LINGO2: variants seen among roughly 807,000 people sequenced by gnomAD.
LINGO2 encodes leucine rich repeat and Ig domain containing 2, also known as leucine-rich repeat and immunoglobulin-like domain-containing nogo receptor-interacting protein 2.
Under a neutral mutation model 30.6 loss-of-function variants are expected in LINGO2, and 14 were observed. The observed-to-expected ratio is 0.46, with a 90% CI of 0.30 to 0.72. LINGO2 has a LOEUF of 0.72. LINGO2 is among the 30% of genes least tolerant of loss of function. LINGO2 has a pLI of 0.07. For missense variants in LINGO2, 729 were observed against 751.7 expected (o/e 0.97, Z 0.35); for synonymous variants, 317 against 288.5 (o/e 1.10, Z -1.00).
chr9:28,350,819 C>G (rs2134442587), intron 3 of LINGO2, among the ~76,000 whole-genome samples: 1 of 151,484 alleles, frequency 6.6e-6, no homozygotes, highest in East Asian at 1.9e-4. Context: ...ACAGTGCAAT[C>G]AAACTAGAAC....
At chr9:28,561,136 C>A (rs1371601314) in intron 1 of LINGO2, among the ~76,000 whole-genome samples, 2 of 151,784 alleles carry the variant, frequency 1.3e-5, no homozygotes, top group African/African-American at 2.4e-5. Context: ...TTATCAGTAC[C>A]CTTATGTTTT....
intron 4 of LINGO2, among the ~76,000 whole-genome samples, chr9:28,033,027 C>G (rs12000378): frequency 6.6e-6 from 1 of 152,130 alleles, no homozygotes; most frequent in Non-Finnish European, 1.5e-5. Flanking sequence ...GAGAAATGTT[C>G]TAGAATACTA....
At chr9:28,021,363 C>T (rs1247649009) in intron 4 of LINGO2, among the ~76,000 whole-genome samples, 1 of 152,122 alleles carries the variant, frequency 6.6e-6, no homozygotes, top group African/African-American at 2.4e-5. Context: ...AGTCTAAGTA[C>T]ATTGTATAAT....
At chr9:28,155,656 ATAG>A (rs1828112843) in intron 4 of LINGO2, among the ~76,000 whole-genome samples, 1 of 152,218 alleles carries the variant, frequency 6.6e-6, no homozygotes, top group Non-Finnish European at 1.5e-5. Flanking sequence ...GATTTAGGAA[ATAG>A]TTGGTGTAAG....
At chr9:28,349,960 G>C (rs1470933709) in intron 3 of LINGO2, among the ~76,000 whole-genome samples, 22 of 152,104 alleles carry the variant, frequency 1.4e-4, no homozygotes. Context: ...GAGAGATTTT[G>C]TCACCACCAG....
chr9:28,677,353 T>G, the LINGO2 span, among the ~76,000 whole-genome samples: 1 of 152,242 alleles, frequency 6.6e-6, no homozygotes, highest in East Asian at 1.9e-4. Context: ...GCAGAAATAG[T>G]TGAGTGAGAA....
chr9:28,841,893 T>A, the LINGO2 span, among the ~76,000 whole-genome samples: 1 of 151,762 alleles, frequency 6.6e-6, no homozygotes, highest in African/African-American at 2.4e-5. Context: ...TCTTGAGAGC[T>A]AATAAAAACC....
the LINGO2 span, among the ~76,000 whole-genome samples, chr9:28,975,105 A>C: frequency 6.6e-6 from 1 of 152,162 alleles, no homozygotes; most frequent in Admixed American, 6.6e-5. Flanking sequence ...CTTCTGAAAA[A>C]GTACCGAAGA....
At chr9:28,920,211 T>C in the LINGO2 span, among the ~76,000 whole-genome samples, 1 of 152,068 alleles carries the variant, frequency 6.6e-6, no homozygotes, top group South Asian at 2.1e-4. Flanking sequence ...GATTTGAACA[T>C]TTTTTCTTAA....
chr9:28,041,234 G>T (rs1563936603), intron 4 of LINGO2, among the ~76,000 whole-genome samples: 1 of 152,154 alleles, frequency 6.6e-6, no homozygotes, highest in Non-Finnish European at 1.5e-5. Context: ...GGTGGAAGAG[G>T]TCAGCACAGG....
chr9:27,989,090 T>TA (rs1302338374), intron 5 of LINGO2, among the ~76,000 whole-genome samples: 2 of 151,932 alleles, frequency 1.3e-5, no homozygotes, highest in African/African-American at 2.4e-5. Flanking sequence ...GCTTTGTTGA[T>TA]AGTTTTGAAA....
chr9:29,114,380 TTTATTATTATTATTATTATTA>T, the LINGO2 span, among the ~76,000 whole-genome samples: 2 of 143,288 alleles, frequency 1.4e-5, no homozygotes. Flanking sequence ...ATTTTTTTCT[TTTATTATTATTATTATTATTA>T]TTATTATTAT....
chr9:28,666,588 T>C (rs543440351), intron 1 of LINGO2, among the ~76,000 whole-genome samples: 7 of 152,300 alleles, frequency 4.6e-5, no homozygotes, highest in East Asian at 3.9e-4. Context: ...TATTCTGTAA[T>C]AGTTTATTTG....
intron 1 of LINGO2, among the ~76,000 whole-genome samples, chr9:28,518,507 G>A (rs1006650046): frequency 5.3e-5 from 8 of 152,048 alleles, no homozygotes; most frequent in Non-Finnish European, 7.4e-5. Context: ...GGACACTCTC[G>A]ACTTACCTTT....
chr9:28,571,407 C>T (rs932127218), intron 1 of LINGO2, among the ~76,000 whole-genome samples: 14 of 152,010 alleles, frequency 9.2e-5, no homozygotes, highest in Non-Finnish European at 1.6e-4. Flanking sequence ...ACACTCTGTA[C>T]AGAGATTTGC....
chr9:29,048,125 T>C, the LINGO2 span, among the ~76,000 whole-genome samples: 1 of 151,336 alleles, frequency 6.6e-6, no homozygotes, highest in African/African-American at 2.4e-5. Context: ...ATAATAATAA[T>C]AAAAATAAAA....
chr9:28,872,418 CAATT>C, the LINGO2 span, among the ~76,000 whole-genome samples: 6 of 151,954 alleles, frequency 3.9e-5, no homozygotes, highest in East Asian at 7.8e-4. Context: ...AAGCAGGAAA[CAATT>C]AAACTATAAT....
chr9:28,101,562 C>A (rs544809827), intron 4 of LINGO2, among the ~76,000 whole-genome samples: 1 of 152,278 alleles, frequency 6.6e-6, no homozygotes, highest in East Asian at 1.9e-4. Context: ...ACTTTTTCAT[C>A]ATTCCTAAAT....
At chr9:29,008,654 G>C in the LINGO2 span, among the ~76,000 whole-genome samples, 2 of 152,098 alleles carry the variant, frequency 1.3e-5, no homozygotes, top group African/African-American at 4.8e-5. Context: ...TTGTGGTTTT[G>C]ATTTGCATTT....
Sources: gnomAD v4.1 joint callset for allele counts (sites outside exome capture counted in the v4.1 genomes callset) on GRCh38, gnomAD v4.1.1 for gene constraint, MANE v1.5 for transcripts, NCBI Gene and HGNC (gene_info 2026-07-23, HGNC 2026-07-21) for gene names.